Variants in NME9 observed in about 807,000 individuals in gnomAD.
NME9 encodes NME/NM23 family member 9, also known as thioredoxin domain-containing protein 6.
In NME9, 48 loss-of-function variants were observed where a neutral mutation model predicts 44.4. The observed-to-expected ratio is 1.08, with a 90% CI of 0.86 to 1.37. The LOEUF (loss-of-function observed/expected upper bound fraction) is 1.37, where lower values mean the gene tolerates loss of function less well. Among genes scored for constraint, NME9 ranks in the 40% most tolerant of loss-of-function variants. NME9 has a pLI of 0.00. For missense variants in NME9, 325 were observed against 405.2 expected (o/e 0.80, Z 1.70); for synonymous variants, 139 against 147.1 (o/e 0.94, Z 0.40).
At chr3:138,325,906 A>G (rs188596826) in intron 1 of NME9, among the ~76,000 whole-genome samples, 46 of 151,932 alleles carry the variant, frequency 3.0e-4, no homozygotes, top group African/African-American at 9.9e-4. Context: ...AAATCAGGGG[A>G]AAAAAACACT....
At chr3:138,317,028 G>A (rs2053135424) in intron 4 of NME9, among the ~76,000 whole-genome samples, 1 of 152,210 alleles carries the variant, frequency 6.6e-6, no homozygotes. Context: ...CCATAGGGTT[G>A]AAGATTGTGG....
chr3:138,288,709 C>T (rs1187689953), intron 8 of NME9, among the ~76,000 whole-genome samples: 1 of 149,020 alleles, frequency 6.7e-6, no homozygotes. Flanking sequence ...ACGATCTCAG[C>T]TCACTGCAAC....
chr3:138,324,206 T>C, intron 2 of NME9: 1 of 303,418 alleles, frequency 3.3e-6, no homozygotes, highest in South Asian at 3.1e-5. Flanking sequence ...TGGAAGTGGA[T>C]CTTCTTAGGT....
chr3:138,265,479 T>C (rs2048190760), intron 8 of NME9, among the ~76,000 whole-genome samples: 2 of 152,196 alleles, frequency 1.3e-5, no homozygotes, highest in African/African-American at 4.8e-5. Flanking sequence ...AGCCTTCAAG[T>C]ACAGTGAGCT....
At chr3:138,271,197 C>T (rs1288046781) in intron 8 of NME9, among the ~76,000 whole-genome samples, 4 of 152,148 alleles carry the variant, frequency 2.6e-5, no homozygotes, top group Non-Finnish European at 5.9e-5. Flanking sequence ...TATTTTTCTC[C>T]TGAACTTTGC....
chr3:138,290,654 G>C (rs1383320514), intron 8 of NME9: 1 of 1,560,834 alleles, frequency 6.4e-7, no homozygotes, highest in Non-Finnish European at 8.8e-7. Flanking sequence ...GTATGAATGT[G>C]AAAAGGCCTT....
chr3:138,292,685 G>A (rs549290190), intron 8 of NME9, among the ~76,000 whole-genome samples: 2 of 152,248 alleles, frequency 1.3e-5, no homozygotes, highest in South Asian at 4.2e-4. Flanking sequence ...TCTTGTTTGG[G>A]TATGCCAGCG....
intron 8 of NME9, among the ~76,000 whole-genome samples, chr3:138,268,404 G>C (rs2048475683): frequency 1.3e-5 from 2 of 152,130 alleles, no homozygotes; most frequent in South Asian, 4.1e-4. Flanking sequence ...TGTAGACGGG[G>C]TCTTGGCCTG....
chr3:138,280,001 T>A (rs918230412), intron 8 of NME9, among the ~76,000 whole-genome samples: 4 of 151,974 alleles, frequency 2.6e-5, no homozygotes, highest in African/African-American at 9.7e-5. Flanking sequence ...CCTCCCGGGT[T>A]CAAACCTTTC....
intron 8 of NME9, chr3:138,274,397 G>T (rs140016100): frequency 1.6e-6 from 2 of 1,226,684 alleles, no homozygotes; most frequent in Admixed American, 1.8e-5. Context: ...CCTTGTATTC[G>T]TCCTGTGGTC....
intron 2 of NME9, 194 bp downstream of exon 2, chr3:138,324,679 A>T: frequency 1.6e-6 from 1 of 641,730 alleles, no homozygotes; most frequent in South Asian, 1.7e-5. Flanking sequence ...GAATTTACTG[A>T]TATTCAAGCC....
At chr3:138,326,032 CTT>C (rs1281347976) in intron 1 of NME9, among the ~76,000 whole-genome samples, 1 of 152,148 alleles carries the variant, frequency 6.6e-6, no homozygotes, top group Non-Finnish European at 1.5e-5. Flanking sequence ...TTTGTCAAGT[CTT>C]TTTAGTCTGG....
At chr3:138,304,744 T>C (rs1238564161) in intron 9 of NME9, 129 bp downstream of exon 9, 2 of 931,176 alleles carry the variant, frequency 2.1e-6, no homozygotes, top group Non-Finnish European at 3.3e-6. Context: ...CCCAAATATA[T>C]AATAGAGAGC....
chr3:138,272,919 A>G (rs2048931371), intron 8 of NME9: 1 of 1,355,958 alleles, frequency 7.4e-7, no homozygotes, highest in Non-Finnish European at 9.7e-7. Flanking sequence ...ATATAATTTA[A>G]TAAAGTAAAT....
chr3:138,307,602 T>G (rs963177737), intron 6 of NME9, among the ~76,000 whole-genome samples: 1 of 152,256 alleles, frequency 6.6e-6, no homozygotes, highest in Admixed American at 6.5e-5. Flanking sequence ...TAACGTGTTA[T>G]GAATATTTAG....
intron 8 of NME9, among the ~76,000 whole-genome samples, chr3:138,268,588 G>A (rs769696951): frequency 7.9e-5 from 12 of 152,044 alleles, no homozygotes; most frequent in Non-Finnish European, 1.5e-4. Context: ...CCCAACCGGG[G>A]CAACATAGCA....
intron 6 of NME9, among the ~76,000 whole-genome samples, chr3:138,313,927 A>G (rs1031525885): frequency 1.3e-5 from 2 of 152,232 alleles, no homozygotes; most frequent in African/African-American, 2.4e-5. Context: ...GAGAGGAATG[A>G]AGAGAGGTTG....
intron 2 of NME9, chr3:138,324,406 G>C: frequency 2.2e-6 from 1 of 453,256 alleles, no homozygotes; most frequent in Non-Finnish European, 4.4e-6. Flanking sequence ...CTAAGTTTCT[G>C]GGTAAATTGC....
Position 138,329,450 on chromosome 3 carries a change from C to G in NME9, c.-115G>C. 1.3e-6 allele frequency: 2 copies of G among 1,509,290 alleles called. No homozygotes were observed. Among genetic ancestry groups the G allele is most frequent in the Non-Finnish European group, 1.8e-6 (2 of 1,134,126 alleles). 93.5% of individuals were successfully genotyped at this position (1,509,290 alleles called of 1,614,324 possible). On this transcript the variant is annotated 5_prime_UTR_variant, in exon 1 of 11. Coordinates refer to ENST00000333911, the MANE Select transcript of NME9 (RefSeq NM_001349018.2). ...CCAGAGCCTCCTTCAGACAAGCCCC[C>G]CTCCTACGGCCCCCGGCCCCTTTTT...
Sources: allele counts gnomAD v4.1 joint callset (sites outside exome capture counted in the v4.1 genomes callset), GRCh38; gene constraint gnomAD v4.1.1; transcripts MANE v1.5; gene names NCBI Gene and HGNC (gene_info 2026-07-23, HGNC 2026-07-21).